AP4E1: variants seen among roughly 807,000 people sequenced by gnomAD.
The protein encoded by AP4E1 is adaptor related protein complex 4 subunit epsilon 1, also known as AP-4 complex subunit epsilon-1.
Under a neutral mutation model 128.2 loss-of-function variants are expected in AP4E1, and 56 were observed. The observed-to-expected ratio is 0.44, with a 90% CI of 0.35 to 0.55. AP4E1 has a LOEUF of 0.55. Ranked by LOEUF, AP4E1 falls within the 20% of genes least tolerant of loss-of-function variation. The pLI is 0.00. For synonymous variants in AP4E1, 484 were observed against 473.1 expected, an observed-to-expected ratio of 1.02 and a Z score of -0.30; for missense variants, 1,324 against 1,307.7, an observed-to-expected ratio of 1.01 and a Z score of -0.19.
chr15:50,959,367 AT>A (rs2064278683), intron 14 of AP4E1, among the ~76,000 whole-genome samples: 1 of 152,230 alleles, frequency 6.6e-6, no homozygotes, highest in African/African-American at 2.4e-5. Context: ...CAAATAGTGG[AT>A]TTCTTAGCAG....
chr15:50,967,019 T>C (rs927299421), intron 14 of AP4E1, among the ~76,000 whole-genome samples: 4 of 152,256 alleles, frequency 2.6e-5, no homozygotes, highest in Non-Finnish European at 5.9e-5. Context: ...CTATCATTTT[T>C]GTTCATCTCC....
intron 16 of AP4E1, among the ~76,000 whole-genome samples, 199 bp downstream of exon 16, chr15:50,984,344 G>A (rs1335888301): frequency 6.6e-6 from 1 of 151,774 alleles, no homozygotes; most frequent in Non-Finnish European, 1.5e-5. Context: ...CTAGGGTACA[G>A]GTTCACAACG....
intron 15 of AP4E1, among the ~76,000 whole-genome samples, chr15:50,972,480 G>T (rs2064494756): frequency 6.6e-6 from 1 of 152,136 alleles, no homozygotes; most frequent in South Asian, 2.1e-4. Flanking sequence ...CCAAAGTGCT[G>T]GGATTACAAG....
At chr15:50,922,782 C>CTT (rs397936196) in intron 3 of AP4E1, among the ~76,000 whole-genome samples, 27 of 144,430 alleles carry the variant, frequency 1.9e-4, no homozygotes, top group East Asian at 8.1e-4. Context: ...TTTTGGGTCT[C>CTT]TTTTTTTTTT....
At position 50,972,242 on chromosome 15, in the gene AP4E1, C is replaced by T. The variant is rs191673613; in HGVS notation, c.1966+3865C>T. ...TCTTTTTTCTTTTGAGAAGGAGTCT[C>T]GCTCTGTCATCCAGGCTGGAGTGCG... On this transcript the variant is annotated intron_variant, in intron 15 of 20. Transcript: ENST00000261842. Among the ~76,000 whole-genome samples the T allele has an allele frequency of 1.6e-3, 237 of 152,124 alleles. 1 individual carries two copies. The highest frequency in any genetic ancestry group is 5.3e-3 in the African/African-American group (218 of 41,508).
At chr15:50,931,697 G>A (rs1029005151) in intron 7 of AP4E1, among the ~76,000 whole-genome samples, 6 of 152,192 alleles carry the variant, frequency 3.9e-5, no homozygotes, top group African/African-American at 1.2e-4. Context: ...AAACATTATG[G>A]ACATTAAAAC....
At chr15:50,963,331 T>C (rs1474514691) in intron 14 of AP4E1, among the ~76,000 whole-genome samples, 1 of 152,038 alleles carries the variant, frequency 6.6e-6, no homozygotes, top group East Asian at 1.9e-4. Flanking sequence ...ATAGCCAAAA[T>C]GTGGAATCAA....
At chr15:50,985,088 T>C (rs1211441080) in intron 16 of AP4E1, among the ~76,000 whole-genome samples, 1 of 152,260 alleles carries the variant, frequency 6.6e-6, no homozygotes, top group Non-Finnish European at 1.5e-5. Context: ...ATGTGTGTTT[T>C]GGCTGCATAA....
At chr15:50,914,792 C>T (rs2063608940) in intron 2 of AP4E1, among the ~76,000 whole-genome samples, 1 of 151,728 alleles carries the variant, frequency 6.6e-6, no homozygotes, top group Non-Finnish European at 1.5e-5. Context: ...TTTTAGCATC[C>T]CTTAAAAATT....
At chr15:50,935,102 C>A (rs2063889803) in intron 8 of AP4E1, among the ~76,000 whole-genome samples, 1 of 151,996 alleles carries the variant, frequency 6.6e-6, no homozygotes, top group South Asian at 2.1e-4. Flanking sequence ...ATTTGTCAGT[C>A]CCTATGCAAG....
chr15:50,924,114 A>G, intron 4 of AP4E1, 110 bp downstream of exon 4: 2 of 859,170 alleles, frequency 2.3e-6, no homozygotes, highest in Non-Finnish European at 3.8e-6. Flanking sequence ...GGCTTGCAGA[A>G]TGGGCTTAGA....
rs747189506 is a variant in AP4E1, at chr15:51,001,093, A to C, written c.3163A>C (p.Asn1055His). Residue 1055 changes from asparagine (N) to histidine (H), a missense_variant, in exon 20 of 21, where the codon AAT becomes CAT. Physicochemically the swap from Asn to His is moderately conservative, Grantham distance 68 (BLOSUM62 1). Transcript: ENST00000261842. Reference sequence around the variant, plus strand: ...ATCCTTCGCAAATGATGTGAAACAAAATGTAAAAATGTCAGAATCTCAAGC... The same window carrying C: ...ATCCTTCGCAAATGATGTGAAACAACATGTAAAAATGTCAGAATCTCAAGC... ...WLSFANDVKQNVKMSESQAAL... is the reference protein window; with the variant it reads ...WLSFANDVKQHVKMSESQAAL... 2.5e-6 allele frequency: 4 copies of C among 1,613,528 alleles called. No homozygotes were observed. Among genetic ancestry groups the C allele is most frequent in the African/African-American group, 2.7e-5 (2 of 74,928 alleles).
chr15:50,979,584 G>A (rs1044157545), intron 15 of AP4E1, among the ~76,000 whole-genome samples: 1 of 152,106 alleles, frequency 6.6e-6, no homozygotes. Context: ...GAGTGCAGTG[G>A]CATGATCTCG....
At chr15:50,937,355 T>C (rs950139609) in intron 8 of AP4E1, among the ~76,000 whole-genome samples, 1 of 152,228 alleles carries the variant, frequency 6.6e-6, no homozygotes, top group African/African-American at 2.4e-5. Context: ...GTACTTTCTA[T>C]ATTTTATTTT....
intron 5 of AP4E1, 47 bp downstream of exon 5, chr15:50,925,266 A>G (rs948410214): frequency 6.9e-6 from 11 of 1,587,330 alleles, no homozygotes; most frequent in African/African-American, 2.7e-5. Context: ...ATATTTCAAA[A>G]CAGAAGTTTA....
chr15:50,920,064 G>GAT (rs1367425727), intron 3 of AP4E1, among the ~76,000 whole-genome samples: 1 of 120,064 alleles, frequency 8.3e-6, no homozygotes, highest in Non-Finnish European at 1.6e-5. Context: ...GCAACACAGC[G>GAT]ATAATATGTC....
At chr15:50,922,854 T>G (rs2063723598) in intron 3 of AP4E1, among the ~76,000 whole-genome samples, 1 of 151,786 alleles carries the variant, frequency 6.6e-6, no homozygotes, top group Non-Finnish European at 1.5e-5. Flanking sequence ...CTTGGCTCAC[T>G]GCAAGCTCTG....
chr15:50,938,378 T>C (rs2063937106), intron 8 of AP4E1, among the ~76,000 whole-genome samples: 1 of 152,070 alleles, frequency 6.6e-6, no homozygotes, highest in Non-Finnish European at 1.5e-5. Flanking sequence ...AGGAAAAAAC[T>C]GTGGACCCAT....
Position 50,923,962 on chromosome 15 carries a change from A to G in AP4E1, c.378A>G (p.Glu126=). 1 of 1,612,244 alleles carries G rather than the reference A, an allele frequency of 6.2e-7. No individual in the cohort carries two copies. Among genetic ancestry groups the G allele is most frequent in the Non-Finnish European group, 8.5e-7 (1 of 1,178,670 alleles). ...TGGCTGTTTCCTTATTTCTACATGA[A>G]AGTCATGAATTATTGCTTCTCCTTG... ...GYLAVSLFLH[E]SHELLLLLVN... is the part of the protein sequence containing the mutation. Residue 126 remains glutamate, a synonymous_variant, in exon 4 of 21, where the codon GAA becomes GAG. Coordinates refer to ENST00000261842, the MANE Select transcript of AP4E1 (RefSeq NM_007347.5).
Sources: gnomAD v4.1 joint callset for allele counts (sites outside exome capture counted in the v4.1 genomes callset) on GRCh38, gnomAD v4.1.1 for gene constraint, MANE v1.5 for transcripts, NCBI Gene and HGNC (gene_info 2026-07-23, HGNC 2026-07-21) for gene names.